Variants in ACOXL observed in about 807,000 individuals in gnomAD.
ACOXL encodes the protein acyl-coenzyme A oxidase-like protein.
Under a neutral mutation model 71.9 loss-of-function variants are expected in ACOXL, and 70 were observed. The observed-to-expected ratio is 0.97, with a 90% CI of 0.80 to 1.19. ACOXL has a LOEUF of 1.19. Among genes scored for constraint, ACOXL ranks in the 50% most tolerant of loss-of-function variants. The pLI, the probability that ACOXL is intolerant of heterozygous loss-of-function variation, is 0.00. For missense variants in ACOXL, 703 were observed against 736.3 expected (o/e 0.95, Z 0.52); for synonymous variants, 253 against 281.6 (o/e 0.90, Z 1.02).
At chr2:111,111,805 A>C (rs977947080) in intron 17 of ACOXL, among the ~76,000 whole-genome samples, 19 of 152,208 alleles carry the variant, frequency 1.2e-4, no homozygotes, top group African/African-American at 4.3e-4. Context: ...AATAATATTT[A>C]TAAATAATCA....
chr2:110,919,697 C>T (rs1022677756), intron 11 of ACOXL, among the ~76,000 whole-genome samples: 1 of 152,114 alleles, frequency 6.6e-6, no homozygotes, highest in Non-Finnish European at 1.5e-5. Context: ...CACCAAATTC[C>T]CTTGTGCTGT....
intron 11 of ACOXL, 28 bp downstream of exon 11, chr2:110,908,933 T>C: frequency 6.4e-7 from 1 of 1,565,056 alleles, no homozygotes; most frequent in Non-Finnish European, 8.8e-7. Context: ...GTTTGCTCTC[T>C]TAGGGTAAGT....
chr2:110,974,029 C>A (rs2062334916), intron 12 of ACOXL, among the ~76,000 whole-genome samples: 1 of 152,190 alleles, frequency 6.6e-6, no homozygotes, highest in Non-Finnish European at 1.5e-5. Context: ...CCGGAGTTTT[C>A]TGCTGCTGGG....
chr2:110,855,909 G>A (rs1471493702), intron 10 of ACOXL, among the ~76,000 whole-genome samples: 1 of 152,210 alleles, frequency 6.6e-6, no homozygotes, highest in Admixed American at 6.5e-5. Flanking sequence ...GACCCCAGCG[G>A]GTTGCCGCTG....
chr2:110,977,493 A>G (rs1198829257), intron 12 of ACOXL, among the ~76,000 whole-genome samples: 1 of 152,166 alleles, frequency 6.6e-6, no homozygotes, highest in Admixed American at 6.5e-5. Context: ...TTTTCAAGAG[A>G]ACAAACCAAC....
In ACOXL at chr2:110,818,318, C is replaced by T. The variant is rs191378345; in HGVS notation, c.753+12923C>T. 4.2e-3 allele frequency among the ~76,000 whole-genome samples: 625 copies of T among 149,576 alleles called. 7 individuals carry two copies. Among genetic ancestry groups the T allele is most frequent in the African/African-American group, 0.015 (614 of 40,582 alleles). ...CTGAGGCAGGAGAATCACTTGAACC[C>T]GGGAGGCAGAGGTTGCAGTGAGCCG... On this transcript the variant is annotated intron_variant, in intron 9 of 17. Coordinates refer to ENST00000439055, the MANE Select transcript of ACOXL (RefSeq NM_001142807.4).
At chr2:110,798,537 TC>T (rs1685556308) in intron 5 of ACOXL, 72 bp from the exon 6 acceptor site, 1 of 1,238,926 alleles carries the variant, frequency 8.1e-7, no homozygotes, top group Non-Finnish European at 1.2e-6. Flanking sequence ...ATTACAGTAT[TC>T]ATTGCTTTGA....
chr2:111,017,169 G>A (rs2149691939), intron 14 of ACOXL, among the ~76,000 whole-genome samples: 1 of 152,350 alleles, frequency 6.6e-6, no homozygotes, highest in South Asian at 2.1e-4. Flanking sequence ...TTGCCCTGGG[G>A]TGAGGCATTA....
chr2:111,085,959 G>A (rs572816864), intron 16 of ACOXL, among the ~76,000 whole-genome samples: 25 of 152,230 alleles, frequency 1.6e-4, no homozygotes, highest in African/African-American at 5.1e-4. Flanking sequence ...AAACCAGGAA[G>A]TCTAGAAGAA....
At chr2:110,899,134 T>C (rs2059130388) in intron 10 of ACOXL, among the ~76,000 whole-genome samples, 1 of 152,206 alleles carries the variant, frequency 6.6e-6, no homozygotes, top group Admixed American at 6.5e-5. Flanking sequence ...GATTCTGCTG[T>C]TGTTTTAAGA....
chr2:110,958,086 CAAT>C (rs951474898), intron 12 of ACOXL, among the ~76,000 whole-genome samples: 1 of 150,600 alleles, frequency 6.6e-6, no homozygotes, highest in Non-Finnish European at 1.5e-5. Flanking sequence ...TGAGAGGACA[CAAT>C]GATGTAGCCC....
chr2:110,958,083 A>T (rs536402894), intron 12 of ACOXL, among the ~76,000 whole-genome samples: 1 of 150,898 alleles, frequency 6.6e-6, no homozygotes, highest in East Asian at 2.0e-4. Context: ...TTTTGAGAGG[A>T]CACAATGATG....
chr2:110,771,330 TTAA>T (rs1463541140), intron 2 of ACOXL, among the ~76,000 whole-genome samples: 1 of 152,198 alleles, frequency 6.6e-6, no homozygotes, highest in Non-Finnish European at 1.5e-5. Context: ...ATCCTGCCTC[TTAA>T]TAAAATGATT....
intron 15 of ACOXL, among the ~76,000 whole-genome samples, chr2:111,032,040 T>C (rs949838541): frequency 3.9e-5 from 6 of 152,240 alleles, no homozygotes; most frequent in Admixed American, 3.9e-4. Context: ...AGTGGCCCTC[T>C]GCCTGACCAT....
At chr2:110,834,616 T>C (rs1232976553) in intron 9 of ACOXL, among the ~76,000 whole-genome samples, 1 of 152,212 alleles carries the variant, frequency 6.6e-6, no homozygotes, top group African/African-American at 2.4e-5. Flanking sequence ...AGTCACTTAA[T>C]AGAAATGACA....
chr2:110,800,824 C>T (rs1685896099), intron 7 of ACOXL, among the ~76,000 whole-genome samples: 1 of 151,974 alleles, frequency 6.6e-6, no homozygotes, highest in South Asian at 2.1e-4. Context: ...GGGCTGGGCT[C>T]CTTGAAAGTT....
At chr2:110,810,940 T>G (rs1179778151) in intron 9 of ACOXL, among the ~76,000 whole-genome samples, 2 of 152,112 alleles carry the variant, frequency 1.3e-5, no homozygotes, top group Non-Finnish European at 2.9e-5. Flanking sequence ...CAAGGAGAAG[T>G]GCTCAGCAAA....
intron 11 of ACOXL, among the ~76,000 whole-genome samples, chr2:110,920,301 T>C (rs768395037): frequency 2.0e-5 from 3 of 152,236 alleles, no homozygotes; most frequent in Non-Finnish European, 2.9e-5. Flanking sequence ...AGTTTGTAGC[T>C]TTACATTTTT....
At chr2:111,080,313 G>A (rs1432967144) in intron 16 of ACOXL, among the ~76,000 whole-genome samples, 2 of 152,078 alleles carry the variant, frequency 1.3e-5, no homozygotes, top group Non-Finnish European at 2.9e-5. Flanking sequence ...GTGATGTTAA[G>A]GTGTCAATTT....
Sources: allele counts gnomAD v4.1 joint callset (sites outside exome capture counted in the v4.1 genomes callset), GRCh38; gene constraint gnomAD v4.1.1; transcripts MANE v1.5; gene names NCBI Gene and HGNC (gene_info 2026-07-23, HGNC 2026-07-21).